The following MGST2 variants were observed in gnomAD, a reference collection of about 807,000 sequenced individuals.
The protein encoded by MGST2 is microsomal glutathione S-transferase 2, also known as glutathione peroxidase MGST2.
Under a neutral mutation model 16.6 loss-of-function variants are expected in MGST2, and 9 were observed. The ratio of observed to expected loss-of-function variants is 0.54; its 90% CI spans 0.33 to 0.95. The LOEUF (loss-of-function observed/expected upper bound fraction) is 0.95, where lower values mean the gene tolerates loss of function less well. Ranked by LOEUF, MGST2 falls within the 40% of genes least tolerant of loss-of-function variation. The probability of loss-of-function intolerance (pLI) is 0.03; values close to 1 mark genes in which losing one functional copy is unlikely to be tolerated. For synonymous variants in MGST2, 79 were observed against 68.0 expected, an observed-to-expected ratio of 1.16 and a Z score of -0.79; for missense variants, 159 against 175.1, an observed-to-expected ratio of 0.91 and a Z score of 0.52.
intron 2 of MGST2, among the ~76,000 whole-genome samples, chr4:139,691,938 G>T (rs8192094): frequency 0.021 from 3,219 of 152,198 alleles, 88 homozygotes; most frequent in African/African-American, 0.057. Context: ...CTGACCTCGT[G>T]ATTTGCCCAC....
chr4:139,681,869 A>G (rs1264975500), intron 2 of MGST2, among the ~76,000 whole-genome samples: 1 of 152,170 alleles, frequency 6.6e-6, no homozygotes, highest in African/African-American at 2.4e-5. Context: ...GAAGCCAGAA[A>G]ATAAACAATA....
At chr4:139,693,207 G>A (rs1367803497) in intron 2 of MGST2, among the ~76,000 whole-genome samples, 1 of 151,842 alleles carries the variant, frequency 6.6e-6, no homozygotes, top group African/African-American at 2.4e-5. Context: ...CACGAGGTCA[G>A]GAGATCGAGA....
the MGST2 span, among the ~76,000 whole-genome samples, chr4:139,754,265 T>C: frequency 6.6e-6 from 1 of 152,246 alleles, no homozygotes; most frequent in Non-Finnish European, 1.5e-5. Flanking sequence ...GTTTATGTTC[T>C]TATAGTTCTT....
At position 139,678,503 on chromosome 4, in the gene MGST2, C is replaced by T. The variant is rs373296677; in HGVS notation, c.59-40C>T. On this transcript the variant is annotated intron_variant, in intron 1 of 4. Transcript: ENST00000265498. ...TTTGCATTCCACTAATGACTAATGA[C>T]GTGCCCCATCTTTAACGCAACATTT... 68 of 1,454,092 alleles carry T rather than the reference C, an allele frequency of 4.7e-5. No individual in the cohort carries two copies. The Middle Eastern group carries it at 5.2e-4, about 11-fold the overall frequency. The allele number at this position is 1,454,092 out of a possible 1,614,324, so 90.1% of individuals were successfully genotyped here.
At chr4:139,723,495 A>G (rs1361010042) in intron 5 of MGST2, among the ~76,000 whole-genome samples, 1 of 152,072 alleles carries the variant, frequency 6.6e-6, no homozygotes, top group African/African-American at 2.4e-5. Flanking sequence ...TATTTTTAGT[A>G]GAGACGGGGT....
At chr4:139,702,406 G>C (rs1432467933) in intron 3 of MGST2, among the ~76,000 whole-genome samples, 3 of 152,016 alleles carry the variant, frequency 2.0e-5, no homozygotes, top group Non-Finnish European at 4.4e-5. Context: ...GTCCATTCTA[G>C]AACTTCGTAT....
chr4:139,670,291 C>T (rs762196874), intron 1 of MGST2, among the ~76,000 whole-genome samples: 33 of 151,494 alleles, frequency 2.2e-4, no homozygotes, highest in Non-Finnish European at 4.7e-4. Context: ...ATACCAAACT[C>T]TGTGAAATCT....
intron 5 of MGST2, among the ~76,000 whole-genome samples, chr4:139,728,874 G>C (rs1279020024): frequency 2.0e-5 from 3 of 152,138 alleles, no homozygotes; most frequent in African/African-American, 4.8e-5. Flanking sequence ...TGCTTGCCCT[G>C]GGCCTTCTTT....
At chr4:139,695,509 C>T (rs1054383370) in intron 3 of MGST2, among the ~76,000 whole-genome samples, 29 of 152,098 alleles carry the variant, frequency 1.9e-4, no homozygotes, top group African/African-American at 6.8e-4. Context: ...GTAATCCCAG[C>T]TACTTGGGAG....
chr4:139,719,156 G>T, intron 5 of MGST2: 1 of 707,358 alleles, frequency 1.4e-6, no homozygotes, highest in Non-Finnish European at 2.3e-6. Flanking sequence ...AATGAGGCCT[G>T]GTGGGGCTGT....
intron 4 of MGST2, 82 bp from the exon 5 acceptor site, chr4:139,703,934 G>C (rs1323567432): frequency 1.6e-5 from 25 of 1,567,228 alleles, no homozygotes; most frequent in Non-Finnish European, 2.0e-5. Context: ...CAGTGTTAAC[G>C]ATAGGACAGC....
intron 2 of MGST2, among the ~76,000 whole-genome samples, chr4:139,683,427 A>T (rs1000608996): frequency 6.6e-6 from 1 of 152,122 alleles, no homozygotes; most frequent in Non-Finnish European, 1.5e-5. Flanking sequence ...TTGGGGAAGT[A>T]TTAGGAGGTT....
intron 2 of MGST2, 151 bp from the exon 3 acceptor site, chr4:139,695,046 G>C (rs1337060696): frequency 1.6e-6 from 1 of 631,666 alleles, no homozygotes; most frequent in Non-Finnish European, 2.8e-6. Context: ...AACCTTGAAA[G>C]ATTGATTTTA....
chr4:139,714,689 C>T (rs55948112), intron 5 of MGST2, among the ~76,000 whole-genome samples: 4,882 of 152,146 alleles, frequency 0.032, 114 homozygotes, highest in South Asian at 0.073. Context: ...GCAAGATGGT[C>T]GCCCTGAGTA....
intron 5 of MGST2, among the ~76,000 whole-genome samples, chr4:139,713,449 G>A (rs1378368986): frequency 8.0e-6 from 1 of 125,030 alleles, no homozygotes; most frequent in African/African-American, 3.2e-5. Context: ...AGGGCCTCTC[G>A]TGTGTTCATT....
exon 6 of MGST2, chr4:139,740,537 T>A (rs541263664): frequency 3.3e-5 from 5 of 152,144 alleles, no homozygotes; most frequent in East Asian, 3.9e-4. Flanking sequence ...CTAGGGAGAT[T>A]TTTTTCCCCC....
At chr4:139,726,887 A>G (rs1388756925) in intron 5 of MGST2, among the ~76,000 whole-genome samples, 1 of 152,180 alleles carries the variant, frequency 6.6e-6, no homozygotes, top group Non-Finnish European at 1.5e-5. Flanking sequence ...ATGTAGAAAG[A>G]GCAGAGAAAG....
At chr4:139,706,251 G>T (rs1287960971), downstream of MGST2, among the ~76,000 whole-genome samples, 1 of 152,028 alleles carries the variant, frequency 6.6e-6, no homozygotes, top group Non-Finnish European at 1.5e-5. Flanking sequence ...CCTACTCATT[G>T]GTCATTTGAA....
At chr4:139,731,435 T>TA (rs70943437) in intron 5 of MGST2, 581 of 38,640 alleles carry the variant, frequency 0.015, 51 homozygotes, top group South Asian at 0.03. Context: ...CTGTCTCTAC[T>TA]AAAAAAAAAA....
Sources: gnomAD v4.1 joint callset for allele counts (sites outside exome capture counted in the v4.1 genomes callset) on GRCh38, gnomAD v4.1.1 for gene constraint, MANE v1.5 for transcripts, NCBI Gene and HGNC (gene_info 2026-07-23, HGNC 2026-07-21) for gene names.